The following CADM1 variants were observed in gnomAD, a reference collection of about 807,000 sequenced individuals.
CADM1 encodes cell adhesion molecule 1, also known as TSLC-1.
In CADM1, 15 loss-of-function variants were observed where a neutral mutation model predicts 53.1. The ratio of observed to expected loss-of-function variants is 0.28; its 90% CI spans 0.19 to 0.44. The LOEUF is 0.44. Among genes scored for constraint, CADM1 ranks in the 20% least tolerant of loss-of-function variants. CADM1 has a pLI of 1.00. For missense variants in CADM1, 434 were observed against 611.3 expected (o/e 0.71, Z 3.06); for synonymous variants, 281 against 243.0 (o/e 1.16, Z -1.45).
At chr11:115,492,807 T>C (rs1949527222) in intron 1 of CADM1, among the ~76,000 whole-genome samples, 3 of 152,128 alleles carry the variant, frequency 2.0e-5, no homozygotes, top group Admixed American at 2.0e-4. Flanking sequence ...TAGCATGACA[T>C]TGTGATTTAA....
intron 1 of CADM1, among the ~76,000 whole-genome samples, chr11:115,353,259 C>T (rs1336513782): frequency 6.6e-6 from 1 of 151,732 alleles, no homozygotes; most frequent in Non-Finnish European, 1.5e-5. Context: ...ATGAATGACC[C>T]ATGTTACTGT....
chr11:115,175,270 T>C lies in CADM1; in HGVS notation c.*1204A>G. On this transcript the variant is annotated 3_prime_UTR_variant, in exon 12 of 12. Transcript: ENST00000331581. ...CTTTGTCAAGCCAAATCTGAAGGAA[T>C]GAAAGTTTCACACAGATTCGAGTTG... 1.0e-6 allele frequency: 1 copy of C among 985,254 alleles called. No individual in the cohort carries two copies. The highest frequency in any genetic ancestry group is 1.2e-6 in the Non-Finnish European group (1 of 829,866). The allele number at this position is 985,254 out of a possible 1,614,324, so 61.0% of individuals were successfully genotyped here.
At chr11:115,207,785 C>A (rs370604334) in intron 8 of CADM1, among the ~76,000 whole-genome samples, 1 of 151,930 alleles carries the variant, frequency 6.6e-6, no homozygotes, top group Admixed American at 6.6e-5. Flanking sequence ...GCAAGTTCTG[C>A]GAAGATAAAA....
intron 1 of CADM1, among the ~76,000 whole-genome samples, chr11:115,437,741 T>C (rs954825506): frequency 1.3e-5 from 2 of 152,220 alleles, no homozygotes; most frequent in Non-Finnish European, 2.9e-5. Flanking sequence ...TTGCTTTTCT[T>C]CGTGACCATT....
At chr11:115,257,726 G>A (rs1942838260) in intron 1 of CADM1, among the ~76,000 whole-genome samples, 1 of 152,158 alleles carries the variant, frequency 6.6e-6, no homozygotes, top group South Asian at 2.1e-4. Context: ...AGTAATAAAA[G>A]CAGCAGTTAA....
At chr11:115,466,122 T>G (rs1173434968) in intron 1 of CADM1, among the ~76,000 whole-genome samples, 4 of 152,070 alleles carry the variant, frequency 2.6e-5, no homozygotes, top group Non-Finnish European at 2.9e-5. Context: ...AAAAAAAAAC[T>G]TCCACCATTT....
At chr11:115,503,714 T>C (rs1166032121) in intron 1 of CADM1, among the ~76,000 whole-genome samples, 1 of 151,458 alleles carries the variant, frequency 6.6e-6, no homozygotes, top group Non-Finnish European at 1.5e-5. Flanking sequence ...GCAGAGCGCG[T>C]TGGGGGAAGG....
At chr11:115,214,916 G>A in intron 6 of CADM1, 136 bp from the exon 7 acceptor site, 1 of 963,702 alleles carries the variant, frequency 1.0e-6, no homozygotes, top group Non-Finnish European at 1.7e-6. Context: ...CAACTGTGAA[G>A]TCTCCAAAAA....
intron 1 of CADM1, among the ~76,000 whole-genome samples, chr11:115,417,547 T>C (rs1216941575): frequency 2.6e-5 from 4 of 152,058 alleles, no homozygotes; most frequent in African/African-American, 9.7e-5. Flanking sequence ...ATAAGTAAAA[T>C]GAAGGTGACT....
chr11:115,245,300 T>TAA (rs1029874433), intron 1 of CADM1, among the ~76,000 whole-genome samples: 1 of 148,376 alleles, frequency 6.7e-6, no homozygotes, highest in Non-Finnish European at 1.5e-5. Context: ...TATTGATTGT[T>TAA]AAAAAAAAAA....
At chr11:115,473,636 G>C (rs1238356413) in intron 1 of CADM1, among the ~76,000 whole-genome samples, 1 of 152,044 alleles carries the variant, frequency 6.6e-6, no homozygotes, top group Non-Finnish European at 1.5e-5. Context: ...AACATTTATA[G>C]GCAGAAAAGA....
chr11:115,372,489 T>A lies in CADM1; in HGVS notation c.124+131782A>T, dbSNP rs1055585902. Among the ~76,000 whole-genome samples the A allele has an allele frequency of 3.3e-5, 5 of 152,266 alleles. No homozygotes were observed. In the East Asian group the frequency reaches 9.7e-4, roughly 29 times the overall value. On this transcript the variant is annotated intron_variant, in intron 1 of 11. Coordinates refer to ENST00000331581, the MANE Select transcript of CADM1 (RefSeq NM_001301043.2). ...CAGAGGTCAAATAATTGACCTGAAG[T>A]TCCATTTTGCATCATAAATTGAGAA... is the stretch of plus-strand genomic sequence containing the variant.
chr11:115,500,431 A>T (rs1949705113), intron 1 of CADM1, among the ~76,000 whole-genome samples: 1 of 152,256 alleles, frequency 6.6e-6, no homozygotes, highest in African/African-American at 2.4e-5. Context: ...ATCAATTTTT[A>T]AAGCCTAAAA....
chr11:115,434,946 C>T lies in CADM1; in HGVS notation c.124+69325G>A, dbSNP rs538430217. On this transcript the variant is annotated intron_variant, in intron 1 of 11. Coordinates refer to ENST00000331581, the MANE Select transcript of CADM1 (RefSeq NM_001301043.2). ...TGCAATCTTGGCTCAACACAACTTC[C>T]GCTTCCTGGGTTCAAGCGATTCTCC... Among the ~76,000 whole-genome samples the T allele has an allele frequency of 3.1e-3, 474 of 150,994 alleles. 3 individuals carry two copies. The highest frequency in any genetic ancestry group is 0.021 in the Middle Eastern group (6 of 292).
chr11:115,242,029 T>G (rs1026464144), intron 1 of CADM1, among the ~76,000 whole-genome samples: 1 of 150,772 alleles, frequency 6.6e-6, no homozygotes, highest in Non-Finnish European at 1.5e-5. Context: ...GTGGCTAAGA[T>G]GGCTCTAAGC....
chr11:115,258,314 T>C (rs1198517738), intron 1 of CADM1, among the ~76,000 whole-genome samples: 2 of 152,212 alleles, frequency 1.3e-5, no homozygotes, highest in Non-Finnish European at 2.9e-5. Context: ...CCTGTCTTTC[T>C]ATTACTCCGA....
In CADM1 at chr11:115,307,821, C is replaced by G. The variant is rs138617613; in HGVS notation, c.125-67401G>C. 2.0e-4 allele frequency among the ~76,000 whole-genome samples: 31 copies of G among 151,962 alleles called. No individual in the cohort carries two copies. In the East Asian group the frequency reaches 5.8e-3, roughly 28 times the overall value. On this transcript the variant is annotated intron_variant, in intron 1 of 11. Coordinates refer to ENST00000331581, the MANE Select transcript of CADM1 (RefSeq NM_001301043.2). ...TGTCATTGGTCCTGCATATTTTCAA[C>G]TACTCCTTATATCCTTTCCTTCTAT...
chr11:115,455,155 C>T (rs11822668), intron 1 of CADM1, among the ~76,000 whole-genome samples: 37,889 of 151,816 alleles, frequency 0.25, 5,261 homozygotes, highest in East Asian at 0.48. Context: ...ATTAACATGG[C>T]AAGTCCTTGT....
At chr11:115,311,956 G>C (rs1050129888) in intron 1 of CADM1, among the ~76,000 whole-genome samples, 6 of 152,104 alleles carry the variant, frequency 3.9e-5, no homozygotes, top group Non-Finnish European at 7.4e-5. Flanking sequence ...ACAAGGATAA[G>C]ATTTTCCTAC....
Sources: gnomAD v4.1 joint callset for allele counts (sites outside exome capture counted in the v4.1 genomes callset) on GRCh38, gnomAD v4.1.1 for gene constraint, MANE v1.5 for transcripts, NCBI Gene and HGNC (gene_info 2026-07-23, HGNC 2026-07-21) for gene names.